SUMF1: variants seen among roughly 807,000 people sequenced by gnomAD.
The protein encoded by SUMF1 is formylglycine-generating enzyme.
A neutral mutation model predicts 47.6 loss-of-function variants in SUMF1; 48 were observed. The ratio of observed to expected loss-of-function variants is 1.01; its 90% CI spans 0.80 to 1.28. SUMF1 has a LOEUF of 1.28. Among genes scored for constraint, SUMF1 ranks in the 50% most tolerant of loss-of-function variants. The pLI, the probability that SUMF1 is intolerant of heterozygous loss-of-function variation, is 0.00. For missense variants in SUMF1, 571 were observed against 485.4 expected (o/e 1.18, Z -1.66); for synonymous variants, 230 against 192.1 (o/e 1.20, Z -1.63).
chr3:4,223,444 G>T (rs914054959), intron 8 of SUMF1, among the ~76,000 whole-genome samples: 5 of 152,136 alleles, frequency 3.3e-5, no homozygotes, highest in Admixed American at 3.3e-4. Flanking sequence ...ATGGTGCTCA[G>T]AACAGTGCCT....
chr3:4,197,862 T>C (rs374065860), intron 8 of SUMF1, among the ~76,000 whole-genome samples: 4 of 152,128 alleles, frequency 2.6e-5, no homozygotes, highest in African/African-American at 9.6e-5. Flanking sequence ...CAACTCCAAC[T>C]GTGATCCATG....
At chr3:4,133,398 T>C (rs1317757976) in intron 8 of SUMF1, among the ~76,000 whole-genome samples, 3 of 152,154 alleles carry the variant, frequency 2.0e-5, no homozygotes, top group East Asian at 1.9e-4. Context: ...TGGGTTCAAG[T>C]TGACAAGGGG....
chr3:4,321,470 T>TA (rs1206478992), intron 8 of SUMF1, among the ~76,000 whole-genome samples: 8,103 of 63,654 alleles, frequency 0.13, 418 homozygotes, highest in Middle Eastern at 0.18. Context: ...AAGGAAATGC[T>TA]AAAAAAAAAA....
chr3:4,161,707 C>T (rs191622023), intron 8 of SUMF1, among the ~76,000 whole-genome samples: 57 of 152,188 alleles, frequency 3.7e-4, no homozygotes, highest in African/African-American at 1.4e-3. Context: ...GTGGGCTCCC[C>T]TCTGATCTAG....
chr3:4,337,908 C>T lies in SUMF1; in HGVS notation c.1014+38422G>A, dbSNP rs544107125. The stretch of plus-strand genomic sequence containing the variant: ...CTCAGTAATCACCTCACCTCCCTCC[C>T]AGTAAACCCCCAATCATAGACATCC... On this transcript the variant is annotated intron_variant and NMD_transcript_variant, in intron 8 of 12. Transcript: ENST00000448413. Among the ~76,000 whole-genome samples the T allele has an allele frequency of 2.6e-5, 4 of 152,256 alleles. No homozygotes were observed. In the East Asian group the frequency reaches 7.7e-4, roughly 29 times the overall value.
intron 3 of SUMF1, among the ~76,000 whole-genome samples, chr3:4,420,847 G>C (rs1015818088): frequency 6.6e-6 from 1 of 152,160 alleles, no homozygotes; most frequent in Non-Finnish European, 1.5e-5. Context: ...GGTGGTCAGA[G>C]ATCAAGCTGA....
chr3:4,195,571 A>G (rs1435880958), intron 8 of SUMF1, among the ~76,000 whole-genome samples: 1 of 152,178 alleles, frequency 6.6e-6, no homozygotes, highest in Non-Finnish European at 1.5e-5. Flanking sequence ...AGAATTTTTT[A>G]TTAGAATCAT....
At chr3:4,432,533 C>T (rs1702265223) in intron 3 of SUMF1, among the ~76,000 whole-genome samples, 1 of 152,084 alleles carries the variant, frequency 6.6e-6, no homozygotes, top group Non-Finnish European at 1.5e-5. Context: ...CATCACAGTC[C>T]CCCTTGTTCC....
At chr3:4,349,531 A>C (rs1699442579) in intron 8 of SUMF1, among the ~76,000 whole-genome samples, 1 of 152,240 alleles carries the variant, frequency 6.6e-6, no homozygotes, top group South Asian at 2.1e-4. Context: ...AGACACACGC[A>C]CATGTATGCT....
At chr3:4,365,059 G>C (rs913434874) in intron 8 of SUMF1, among the ~76,000 whole-genome samples, 1 of 151,748 alleles carries the variant, frequency 6.6e-6, no homozygotes, top group Non-Finnish European at 1.5e-5. Context: ...GTTCTAGTTT[G>C]ATTGCACTGT....
intron 8 of SUMF1, among the ~76,000 whole-genome samples, chr3:4,182,852 G>C (rs931516805): frequency 2.2e-4 from 33 of 152,116 alleles, no homozygotes; most frequent in African/African-American, 7.5e-4. Context: ...TAATCCTAGA[G>C]GTAAATTATA....
chr3:4,204,103 T>G (rs553646609), intron 8 of SUMF1, among the ~76,000 whole-genome samples: 1 of 152,222 alleles, frequency 6.6e-6, no homozygotes, highest in South Asian at 2.1e-4. Flanking sequence ...GATTTCTTAG[T>G]GCTCATTAAT....
Position 4,376,336 on chromosome 3 carries a change from G to A in SUMF1, c.1008C>T (p.Cys336=), listed in dbSNP as rs759029332. 20 of 1,614,100 alleles carry A rather than the reference G, an allele frequency of 1.2e-5. No homozygotes were observed. The highest frequency in any genetic ancestry group is 1.7e-5 in the Non-Finnish European group (20 of 1,179,978). Residue 336 remains cysteine (C), a synonymous_variant, in exon 8 of 9, where the codon TGC becomes TGT. Transcript: ENST00000272902. ...GTTTAGTGACATGACTTACCCTATG[G>A]CACATGTAGGATCCACCTTTCTTCA... ...DRVKKGGSYM[C]HRSYCYRYRC...
intron 8 of SUMF1, among the ~76,000 whole-genome samples, chr3:4,154,498 C>T (rs1030482810): frequency 2.0e-5 from 3 of 151,570 alleles, no homozygotes; most frequent in Non-Finnish European, 2.9e-5. Context: ...TTGCCACAAA[C>T]CTACAAGCTG....
At position 4,134,404 on chromosome 3, in the gene SUMF1, T is replaced by C. The variant is rs370930346; in HGVS notation, c.1015-65659A>G. Among the ~76,000 whole-genome samples the C allele has an allele frequency of 5.3e-5, 8 of 152,262 alleles. No individual in the cohort carries two copies. In the East Asian group the frequency reaches 7.7e-4, roughly 15 times the overall value. ...AACAAAATGAAGGCAGAAATAAAGA[T>C]GTTCTTTGAATCCAATGAGAACAAA... On this transcript the variant is annotated intron_variant and NMD_transcript_variant, in intron 8 of 12. Transcript: ENST00000448413.
chr3:4,463,373 C>T (rs1200924828), intron 1 of SUMF1, among the ~76,000 whole-genome samples: 1 of 152,122 alleles, frequency 6.6e-6, no homozygotes, highest in African/African-American at 2.4e-5. Context: ...GCCTGTAGTC[C>T]CAGCTACTTG....
intron 8 of SUMF1, among the ~76,000 whole-genome samples, chr3:4,197,541 G>A (rs186604567): frequency 3.3e-5 from 5 of 152,142 alleles, no homozygotes; most frequent in African/African-American, 9.7e-5. Context: ...AGACAGAGAA[G>A]AAATTACCCT....
intron 8 of SUMF1, among the ~76,000 whole-genome samples, chr3:4,199,143 T>C (rs923857045): frequency 6.6e-6 from 1 of 152,134 alleles, no homozygotes; most frequent in Non-Finnish European, 1.5e-5. Context: ...TTGTATCCAA[T>C]TGCCTTCAAT....
At chr3:4,140,434 A>C (rs1162625200) in intron 8 of SUMF1, among the ~76,000 whole-genome samples, 6 of 151,768 alleles carry the variant, frequency 4.0e-5, no homozygotes, top group African/African-American at 1.5e-4. Context: ...CCCACCTAGA[A>C]CTCTACTATT....
Sources: gnomAD v4.1 joint callset for allele counts (sites outside exome capture counted in the v4.1 genomes callset) on GRCh38, gnomAD v4.1.1 for gene constraint, MANE v1.5 for transcripts, NCBI Gene and HGNC (gene_info 2026-07-23, HGNC 2026-07-21) for gene names.